The following TYR variants were observed in gnomAD, a reference collection of about 807,000 sequenced individuals.
TYR encodes the protein tyrosinase.
In TYR, 58 loss-of-function variants were observed where a neutral mutation model predicts 51.5. That is an observed-to-expected ratio of 1.13 (90% CI 0.91 to 1.40). TYR has a LOEUF of 1.40. TYR is among the 40% of genes most tolerant of loss of function. The pLI, the probability that TYR is intolerant of heterozygous loss-of-function variation, is 0.00. For synonymous variants in TYR, 263 were observed against 235.2 expected (o/e 1.12, Z -1.08); for missense variants, 732 against 647.4 (o/e 1.13, Z -1.42).
chr11:89,210,837 C>G (rs1231866015), intron 2 of TYR, among the ~76,000 whole-genome samples: 1 of 152,110 alleles, frequency 6.6e-6, no homozygotes, highest in African/African-American at 2.4e-5. Flanking sequence ...AATTTTCAAC[C>G]CAGAATTTCA....
Position 89,255,274 on chromosome 11 carries a change from G to T in TYR, c.1184+27304G>T, listed in dbSNP as rs996506531. Among the ~76,000 whole-genome samples, 5 of 151,752 alleles carry T rather than the reference G, an allele frequency of 3.3e-5. 1 individual carries two copies. The highest frequency in any genetic ancestry group is 1.2e-4 in the African/African-American group (5 of 41,398). On this transcript the variant is annotated intron_variant, in intron 3 of 4. Coordinates refer to ENST00000263321, the MANE Select transcript of TYR (RefSeq NM_000372.5). ...AGAAAGGTCCATGTGCTGATGAATA[G>T]AATGTATATTCTGTGGTTGTTGGGT...
At chr11:89,272,338 C>CTCCATCAGA (rs1944598390) in intron 3 of TYR, among the ~76,000 whole-genome samples, 1 of 151,588 alleles carries the variant, frequency 6.6e-6, no homozygotes. Context: ...CCTTGTGTAT[C>CTCCATCAGA]TCCATCAGAG....
At chr11:89,256,774 G>A (rs936876657) in intron 3 of TYR, among the ~76,000 whole-genome samples, 6 of 151,812 alleles carry the variant, frequency 4.0e-5, no homozygotes, top group Admixed American at 2.6e-4. Flanking sequence ...CTGAAGAGGG[G>A]ACACTGTTTA....
chr11:89,284,846 C>T lies in TYR; in HGVS notation c.1258C>T (p.His420Tyr), dbSNP rs1265881922. Residue 420 changes from histidine (H) to tyrosine (Y), a missense_variant, in exon 4 of 5, where the codon CAT becomes TAT. By Grantham distance (83) the His-to-Tyr change is moderately conservative. Coordinates refer to ENST00000263321, the MANE Select transcript of TYR (RefSeq NM_000372.5). Reference sequence around the variant, plus strand: ...TCCAGAAGCCAATGCACCCATTGGACATAACCGGGAATCCTACATGGTTCC... The same window carrying T: ...TCCAGAAGCCAATGCACCCATTGGATATAACCGGGAATCCTACATGGTTCC... ...VYPEANAPIGHNRESYMVPFI... is the reference protein window; with the variant it reads ...VYPEANAPIGYNRESYMVPFI... The T allele has an allele frequency of 6.2e-7, 1 of 1,612,000 alleles. No individual in the cohort carries two copies. The highest frequency in any genetic ancestry group is 8.5e-7 in the Non-Finnish European group (1 of 1,178,596).
At chr11:89,271,844 T>A (rs1409512275) in intron 3 of TYR, among the ~76,000 whole-genome samples, 3 of 151,964 alleles carry the variant, frequency 2.0e-5, no homozygotes, top group Non-Finnish European at 4.4e-5. Flanking sequence ...GTTGACAGCA[T>A]CTTCACCAGA....
At chr11:89,194,980 G>C (rs74898755) in intron 2 of TYR, among the ~76,000 whole-genome samples, 2 of 152,044 alleles carry the variant, frequency 1.3e-5, no homozygotes, top group African/African-American at 2.4e-5. Context: ...ATCAAGATTC[G>C]GAAGCAAGTT....
In TYR at chr11:89,178,748, A is replaced by C. The variant is rs2135242778; in HGVS notation, c.795A>C (p.Pro265=). The C allele has an allele frequency of 6.2e-7, 1 of 1,614,168 alleles. No individual in the cohort carries two copies. Among genetic ancestry groups the C allele is most frequent in the Admixed American group, 1.7e-5 (1 of 60,030 alleles). Residue 265 remains proline, a synonymous_variant, in exon 1 of 5, where the codon CCA becomes CCC. Transcript: ENST00000263321. ...CCACAAATCCTAACTTACTCAGCCCAGCATCATTCTTCTCCTCTTGGCAGG... is the reference window on the plus strand; with the variant it reads ...CCACAAATCCTAACTTACTCAGCCCCGCATCATTCTTCTCCTCTTGGCAGG... ...QHPTNPNLLS[P]ASFFSSWQIV...
intron 2 of TYR, among the ~76,000 whole-genome samples, chr11:89,216,112 T>C (rs16912994): frequency 0.028 from 4,294 of 152,248 alleles, 214 homozygotes; most frequent in African/African-American, 0.098. Flanking sequence ...CACTTACCAA[T>C]AGAAGGTGTG....
chr11:89,201,847 T>A (rs1034743571), intron 2 of TYR, among the ~76,000 whole-genome samples: 1 of 152,210 alleles, frequency 6.6e-6, no homozygotes, highest in Non-Finnish European at 1.5e-5. Flanking sequence ...AATAATTTCT[T>A]TTTTAAAAAT....
chr11:89,243,381 T>G (rs1944224541), intron 3 of TYR, among the ~76,000 whole-genome samples: 1 of 152,170 alleles, frequency 6.6e-6, no homozygotes, highest in African/African-American at 2.4e-5. Context: ...CACCTATACT[T>G]ATAAGTCAAG....
intron 2 of TYR, among the ~76,000 whole-genome samples, chr11:89,198,769 A>ATATATATATATTT (rs951676764): frequency 1.7e-4 from 25 of 151,012 alleles, no homozygotes; most frequent in African/African-American, 4.7e-4. Flanking sequence ...ATATATATAT[A>ATATATATATATTT]TTTTTATACT....
chr11:89,227,832 G>C lies in TYR; in HGVS notation c.1046G>C (p.Ser349Thr), dbSNP rs1010038586. 1.1e-5 allele frequency: 17 copies of C among 1,612,492 alleles called. No homozygotes were observed. The highest frequency in any genetic ancestry group is 1.4e-5 in the Non-Finnish European group (17 of 1,179,516). ...TTTTTTTAATGAACAGGATTTGCTA[G>C]TCCACTTACTGGGATAGCGGATGCC... ...SFRNTLEGFA[S>T]PLTGIADASQ... The change falls in exon 3 of 5, where the codon AGT becomes ACT. Residue 349 changes from serine (S) to threonine (T), a missense_variant. By Grantham distance (58) the Ser-to-Thr change is moderately conservative. Coordinates refer to ENST00000263321, the MANE Select transcript of TYR (RefSeq NM_000372.5).
At chr11:89,182,897 CAT>C (rs1943320410) in intron 1 of TYR, among the ~76,000 whole-genome samples, 3 of 151,974 alleles carry the variant, frequency 2.0e-5, no homozygotes, top group African/African-American at 7.3e-5. Context: ...AGCTGATACA[CAT>C]GAGTGAATTG....
intron 2 of TYR, among the ~76,000 whole-genome samples, chr11:89,202,842 T>C (rs1565396225): frequency 6.6e-6 from 1 of 152,140 alleles, no homozygotes; most frequent in African/African-American, 2.4e-5. Flanking sequence ...AAACTCGTTA[T>C]TTCATGGCTT....
chr11:89,285,788 A>G (rs1473578666), intron 4 of TYR, among the ~76,000 whole-genome samples: 1 of 151,792 alleles, frequency 6.6e-6, no homozygotes, highest in Non-Finnish European at 1.5e-5. Context: ...GAGAAGCAAG[A>G]TTTCAATTCT....
intron 2 of TYR, among the ~76,000 whole-genome samples, chr11:89,217,493 G>C (rs993160862): frequency 3.3e-5 from 5 of 152,090 alleles, no homozygotes; most frequent in Admixed American, 3.3e-4. Flanking sequence ...GAAATATATG[G>C]GCCAAGCCTT....
intron 2 of TYR, among the ~76,000 whole-genome samples, chr11:89,222,349 G>C (rs1041754517): frequency 2.0e-5 from 3 of 152,134 alleles, no homozygotes; most frequent in Admixed American, 6.6e-5. Context: ...CTCTAGGTAT[G>C]AGAGCTAAGC....
intron 2 of TYR, among the ~76,000 whole-genome samples, chr11:89,191,686 G>C (rs1943448449): frequency 6.6e-6 from 1 of 152,086 alleles, no homozygotes. Flanking sequence ...CTTGAACTCA[G>C]AAGTTTCAGG....
At chr11:89,216,972 A>G (rs1943840315) in intron 2 of TYR, among the ~76,000 whole-genome samples, 1 of 152,214 alleles carries the variant, frequency 6.6e-6, no homozygotes, top group South Asian at 2.1e-4. Flanking sequence ...CATGTGTCCA[A>G]CAACATTTAG....
Sources: allele counts gnomAD v4.1 joint callset (sites outside exome capture counted in the v4.1 genomes callset), GRCh38; gene constraint gnomAD v4.1.1; transcripts MANE v1.5; gene names NCBI Gene and HGNC (gene_info 2026-07-23, HGNC 2026-07-21).